The following PCDH15 variants were observed in gnomAD, a reference collection of about 807,000 sequenced individuals.
PCDH15 encodes protocadherin-15.
Under a neutral mutation model 178.5 loss-of-function variants are expected in PCDH15, and 129 were observed. The ratio of observed to expected loss-of-function variants is 0.72; its 90% CI spans 0.63 to 0.84. PCDH15 has a LOEUF of 0.84. Ranked by LOEUF, PCDH15 falls within the 40% of genes least tolerant of loss-of-function variation. The pLI is 0.00. For synonymous variants in PCDH15, 800 were observed against 732.0 expected (o/e 1.09, Z -1.50); for missense variants, 2,230 against 2,099.9 (o/e 1.06, Z -1.21).
chr10:54,930,058 C>T (rs1233763810), intron 2 of PCDH15, among the ~76,000 whole-genome samples: 1 of 152,142 alleles, frequency 6.6e-6, no homozygotes, highest in African/African-American at 2.4e-5. Context: ...CAGGTGAATG[C>T]TGGCAGCTGT....
chr10:54,425,905 T>C (rs1236318334), intron 3 of PCDH15, among the ~76,000 whole-genome samples: 1 of 152,186 alleles, frequency 6.6e-6, no homozygotes, highest in African/African-American at 2.4e-5. Context: ...AGAAGTCTAA[T>C]AGCATTGGAC....
Position 55,180,448 on chromosome 10 carries a change from T to C in PCDH15, c.-155-13797A>G, listed in dbSNP as rs369578348. Among the ~76,000 whole-genome samples the C allele has an allele frequency of 6.5e-4, 99 of 152,224 alleles. 1 individual carries two copies. The South Asian group carries it at 0.02, about 31-fold the overall frequency. ...ATAAGTTAAGGTAGAAGCAAATTTA[T>C]TGTAAAAGGGGAAATAGTTAAGAAG... is the stretch of plus-strand genomic sequence containing the variant. On this transcript the variant is annotated intron_variant, in intron 1 of 5. Transcript: ENST00000458638.
At position 54,178,064 on chromosome 10, in the gene PCDH15, T is replaced by C. The variant is rs189621220; in HGVS notation, c.1590+5380A>G. Among the ~76,000 whole-genome samples the C allele has an allele frequency of 8.5e-5, 13 of 152,156 alleles. No individual in the cohort carries two copies. The East Asian group carries it at 2.1e-3, about 25-fold the overall frequency. On this transcript the variant is annotated intron_variant, in intron 13 of 37. Transcript: ENST00000644397. ...TACGTATTTGAAGAACGTTAATTTTTAAAGGGTGATAATTGAACAAGGGGC... is the reference window on the plus strand; with the variant it reads ...TACGTATTTGAAGAACGTTAATTTTCAAAGGGTGATAATTGAACAAGGGGC...
At chr10:54,296,315 A>C (rs111985216) in intron 8 of PCDH15, among the ~76,000 whole-genome samples, 1 of 151,874 alleles carries the variant, frequency 6.6e-6, no homozygotes, top group African/African-American at 2.4e-5. Flanking sequence ...GGCTGAGCCG[A>C]GGGTAGACAG....
intron 8 of PCDH15, among the ~76,000 whole-genome samples, chr10:54,240,787 A>T (rs1447292100): frequency 2.0e-5 from 3 of 150,808 alleles, no homozygotes; most frequent in Non-Finnish European, 4.4e-5. Flanking sequence ...GCCCGCCACC[A>T]CGCCCGGCTA....
chr10:55,132,849 T>G (rs2132079382), intron 2 of PCDH15, among the ~76,000 whole-genome samples: 1 of 152,278 alleles, frequency 6.6e-6, no homozygotes, highest in African/African-American at 2.4e-5. Flanking sequence ...CAGAATAAGG[T>G]TTGGAGAGTT....
At position 54,571,146 on chromosome 10, in the gene PCDH15, G is replaced by A. The variant is rs549928239; in HGVS notation, c.92-43269C>T. The stretch of plus-strand genomic sequence containing the variant: ...CACAACGATTATAAGAGGAACTGAT[G>A]TAGAGTGGAGGGCCTCGAGCCAGAA... On this transcript the variant is annotated intron_variant, in intron 2 of 37. Transcript: ENST00000644397. Among the ~76,000 whole-genome samples, 5 of 152,144 alleles carry A rather than the reference G, an allele frequency of 3.3e-5. No homozygotes were observed. The South Asian group carries it at 1.0e-3, about 32-fold the overall frequency.
At chr10:55,477,523 T>C (rs1840086210) in intron 2 of PCDH15, among the ~76,000 whole-genome samples, 1 of 151,942 alleles carries the variant, frequency 6.6e-6, no homozygotes, top group Admixed American at 6.6e-5. Context: ...TGGTCATTCT[T>C]TCTATGCCTG....
chr10:54,258,738 TGAAGACTCAGAGG>T (rs1477878586), intron 8 of PCDH15, among the ~76,000 whole-genome samples: 1 of 152,164 alleles, frequency 6.6e-6, no homozygotes, highest in African/African-American at 2.4e-5. Flanking sequence ...GAATAAAGTC[TGAAGACTCAGAGG>T]GAAAATATTT....
At chr10:54,727,457 A>C (rs1231664176) in intron 1 of PCDH15, among the ~76,000 whole-genome samples, 1 of 151,430 alleles carries the variant, frequency 6.6e-6, no homozygotes, top group Non-Finnish European at 1.5e-5. Context: ...CAGTGTTAAG[A>C]GGAAAGTTTC....
At chr10:55,072,070 C>G (rs1223004079) in intron 2 of PCDH15, among the ~76,000 whole-genome samples, 2 of 151,948 alleles carry the variant, frequency 1.3e-5, no homozygotes, top group South Asian at 2.1e-4. Flanking sequence ...ACACAACATA[C>G]CAGAATCTCT....
intron 2 of PCDH15, among the ~76,000 whole-genome samples, chr10:54,910,665 A>G (rs1954801244): frequency 6.6e-6 from 1 of 152,160 alleles, no homozygotes; most frequent in Admixed American, 6.6e-5. Flanking sequence ...TATTGATAAT[A>G]CCTACTCCAA....
chr10:55,538,915 C>CTTCCTTCCTTCCTCCT lies in PCDH15; in HGVS notation c.-156+88694_-156+88709dup, dbSNP rs1564442708. On this transcript the variant is annotated intron_variant, in intron 2 of 5. Coordinates refer to the PCDH15 transcript ENST00000613346. Reference sequence around the variant, plus strand: ...CTTTCCTTCCTTCCTTCCTCCTTTCCTTCCTTCCTTCCTCCTTTCCTTCCT... The same window carrying CTTCCTTCCTTCCTCCT: ...CTTTCCTTCCTTCCTTCCTCCTTTCCTTCCTTCCTTCCTCCTTTCCTTCCTTCCTCCTTTCCTTCCT... Among the ~76,000 whole-genome samples, 5 of 21,800 alleles carry CTTCCTTCCTTCCTCCT rather than the reference C, an allele frequency of 2.3e-4. 1 individual carries two copies. Among genetic ancestry groups the CTTCCTTCCTTCCTCCT allele is most frequent in the African/African-American group, 1.7e-3 (4 of 2,380 alleles). 14.3% of individuals were successfully genotyped at this position (21,800 alleles called of 152,430 possible).
chr10:54,452,875 C>T (rs376824038), intron 3 of PCDH15, among the ~76,000 whole-genome samples: 1 of 152,126 alleles, frequency 6.6e-6, no homozygotes. Flanking sequence ...TAGATGCTGT[C>T]CCCAGTTCAA....
chr10:54,467,940 C>A (rs932857595), intron 3 of PCDH15, among the ~76,000 whole-genome samples: 2 of 151,818 alleles, frequency 1.3e-5, no homozygotes, highest in African/African-American at 4.8e-5. Context: ...TCTAGGCTTT[C>A]AAATTAGTTA....
At chr10:54,560,480 G>C (rs1395562625) in intron 2 of PCDH15, among the ~76,000 whole-genome samples, 1 of 151,944 alleles carries the variant, frequency 6.6e-6, no homozygotes, top group Non-Finnish European at 1.5e-5. Flanking sequence ...AATGCTACAA[G>C]GAGTTTTTTT....
At chr10:54,839,363 A>G (rs1953376718) in intron 3 of PCDH15, among the ~76,000 whole-genome samples, 1 of 152,154 alleles carries the variant, frequency 6.6e-6, no homozygotes, top group South Asian at 2.1e-4. Flanking sequence ...CTGAAGCTGA[A>G]GAATACAATA....
chr10:54,924,465 T>C (rs1837566686), intron 2 of PCDH15, among the ~76,000 whole-genome samples: 1 of 137,684 alleles, frequency 7.3e-6, no homozygotes, highest in Admixed American at 7.1e-5. Context: ...TGCCCAGTAA[T>C]GTGATTGCTG....
chr10:54,942,725 C>T (rs1838095901), intron 2 of PCDH15, among the ~76,000 whole-genome samples: 1 of 151,964 alleles, frequency 6.6e-6, no homozygotes, highest in East Asian at 1.9e-4. Flanking sequence ...AGTGCGGAGC[C>T]TGAAAACAGG....
Sources: gnomAD v4.1 joint callset for allele counts (sites outside exome capture counted in the v4.1 genomes callset) on GRCh38, gnomAD v4.1.1 for gene constraint, MANE v1.5 for transcripts, NCBI Gene and HGNC (gene_info 2026-07-23, HGNC 2026-07-21) for gene names.